Variants in GALNT9 observed in about 807,000 individuals in gnomAD.
GALNT9 encodes polypeptide N-acetylgalactosaminyltransferase 9, also known as GalNAc transferase 9.
GALNT9 carries 47 observed loss-of-function variants against 63.1 expected under a neutral mutation model. The observed-to-expected ratio is 0.75, with a 90% CI of 0.59 to 0.95. The LOEUF (loss-of-function observed/expected upper bound fraction) is 0.95. Ranked by LOEUF, GALNT9 falls within the 40% of genes least tolerant of loss-of-function variation. The pLI, the probability that GALNT9 is intolerant of heterozygous loss-of-function variation, is 0.00. For missense variants in GALNT9, 829 were observed against 874.8 expected, an observed-to-expected ratio of 0.95 and a Z score of 0.66; for synonymous variants, 396 against 365.7, an observed-to-expected ratio of 1.08 and a Z score of -0.94.
At chr12:132,324,638 G>A (rs1228598520) in intron 1 of GALNT9, among the ~76,000 whole-genome samples, 1 of 152,158 alleles carries the variant, frequency 6.6e-6, no homozygotes, top group Non-Finnish European at 1.5e-5. Context: ...CCATGGCCCC[G>A]GCTCTTGTCA....
At chr12:132,258,869 G>A (rs1879252835) in intron 4 of GALNT9, among the ~76,000 whole-genome samples, 1 of 152,216 alleles carries the variant, frequency 6.6e-6, no homozygotes, top group South Asian at 2.1e-4. Flanking sequence ...GACCCACAGG[G>A]CCAAAGCCAC....
Position 132,199,226 on chromosome 12 carries a change from G to A in GALNT9, c.1445C>T (p.Ala482Val), listed in dbSNP as rs569920280. Residue 482 changes from alanine (A) to valine (V), a missense_variant, in exon 9 of 11, where the codon GCG becomes GTG. By Grantham distance (64) the Ala-to-Val change is moderately conservative. Coordinates refer to ENST00000328957, the MANE Select transcript of GALNT9 (RefSeq NM_001122636.2). ...GAGGATCGCCCGGTCGCCGTCCTCC[G>A]CTCCCTGGTCCAGACAGTAGGCACT... ...KASAYCLDQGAEDGDRAILYP... is the reference protein window; with the variant it reads ...KASAYCLDQGVEDGDRAILYP... 1.5e-5 allele frequency: 24 copies of A among 1,604,544 alleles called. No homozygotes were observed. Among genetic ancestry groups the A allele is most frequent in the South Asian group, 8.8e-5 (8 of 91,052 alleles).
At chr12:132,287,620 C>A (rs1341520053) in intron 1 of GALNT9, among the ~76,000 whole-genome samples, 1 of 152,176 alleles carries the variant, frequency 6.6e-6, no homozygotes, top group Admixed American at 6.5e-5. Context: ...GAATCACAAC[C>A]CACCCCATGG....
intron 6 of GALNT9, among the ~76,000 whole-genome samples, chr12:132,217,193 C>CATCCATCCACTCATTCATCT (rs1877235332): frequency 6.6e-6 from 1 of 151,954 alleles, no homozygotes; most frequent in African/African-American, 2.4e-5. Context: ...CGGACTCATC[C>CATCCATCCACTCATTCATCT]ATCCATCCAT....
At chr12:132,244,665 T>G (rs1168626714) in intron 6 of GALNT9, among the ~76,000 whole-genome samples, 1 of 7,516 alleles carries the variant, frequency 1.3e-4, no homozygotes. Flanking sequence ...GGGGGCGTGG[T>G]GATGGGGCTG....
At chr12:132,306,142 G>A (rs782515829) in intron 1 of GALNT9, among the ~76,000 whole-genome samples, 3 of 152,226 alleles carry the variant, frequency 2.0e-5, no homozygotes, top group Non-Finnish European at 4.4e-5. Context: ...CAGAGCCCCC[G>A]TGGGGGGCCT....
intron 1 of GALNT9, among the ~76,000 whole-genome samples, chr12:132,320,924 T>C (rs1277432852): frequency 2.0e-5 from 3 of 152,182 alleles, no homozygotes; most frequent in African/African-American, 7.2e-5. Context: ...AGGGGTCGTG[T>C]GACCGGCCCA....
rs567254220 is a variant in GALNT9, at chr12:132,286,130, C to A, written c.419+120G>T. 8.1e-7 allele frequency: 1 copy of A among 1,228,612 alleles called. No individual in the cohort carries two copies. The highest frequency in any genetic ancestry group is 1.1e-6 in the Non-Finnish European group (1 of 922,242). The allele number at this position is 1,228,612 out of a possible 1,614,324, so 76.1% of individuals were successfully genotyped here. A position where few individuals can be genotyped will look rare whatever the true frequency, so the allele number is the denominator to read the frequency against. On this transcript the variant is annotated intron_variant, in intron 2 of 10. Coordinates refer to ENST00000328957, the MANE Select transcript of GALNT9 (RefSeq NM_001122636.2). The surrounding 1 kb of genome is among the most constrained non-coding windows in gnomAD (Gnocchi z 7.4). ...GCGTGGGGGGCGGTCACTTCCCTGG[C>A]GGGCGTGGGGGCCGCTCACTTCCCC... is the stretch of plus-strand genomic sequence containing the variant.
intron 4 of GALNT9, 128 bp downstream of exon 4, chr12:132,260,820 A>G (rs1879346243): frequency 3.9e-5 from 51 of 1,303,370 alleles, no homozygotes; most frequent in Non-Finnish European, 4.8e-5. Context: ...CAGATCCTGA[A>G]GGCTACGGCG....
At chr12:132,288,893 G>A (rs557711627) in intron 1 of GALNT9, among the ~76,000 whole-genome samples, 6 of 151,788 alleles carry the variant, frequency 4.0e-5, no homozygotes, top group East Asian at 3.9e-4. Flanking sequence ...GGTTTCGGAC[G>A]GCTGCCTGAT....
chr12:132,218,809 C>T (rs1353933408), intron 6 of GALNT9, among the ~76,000 whole-genome samples: 1 of 152,210 alleles, frequency 6.6e-6, no homozygotes, highest in Non-Finnish European at 1.5e-5. Flanking sequence ...AGCATTCCCA[C>T]CCCAGGGCCA....
chr12:132,326,189 CT>C (rs34386459), intron 1 of GALNT9, among the ~76,000 whole-genome samples: 31,590 of 152,250 alleles, frequency 0.21, 3,407 homozygotes, highest in East Asian at 0.26. Context: ...TCTTCCCCTT[CT>C]TTTCCTTGAG....
chr12:132,272,937 A>G (rs1182242337), intron 2 of GALNT9: 1 of 152,286 alleles, frequency 6.6e-6, no homozygotes, highest in Non-Finnish European at 1.5e-5. Context: ...GCTCGACGCC[A>G]TGGCCACTGT....
chr12:132,247,584 G>A lies in GALNT9; in HGVS notation c.1077+326C>T, dbSNP rs191032174. The A allele has an allele frequency of 8.3e-4, 430 of 519,032 alleles. 3 individuals are homozygous for A. The highest frequency in any genetic ancestry group is 7.3e-3 in the African/African-American group (379 of 52,242). 32.2% of individuals were successfully genotyped at this position (519,032 alleles called of 1,614,324 possible). A position where few individuals can be genotyped will look rare whatever the true frequency, so the allele number is the denominator to read the frequency against. On this transcript the variant is annotated intron_variant, in intron 6 of 10. Coordinates refer to ENST00000328957, the MANE Select transcript of GALNT9 (RefSeq NM_001122636.2). ...CTGTCCCTAGACCATGGCTGCACTCGCCCTCACCCTGTCCCCGGACACTGC... is the reference window on the plus strand; with the variant it reads ...CTGTCCCTAGACCATGGCTGCACTCACCCTCACCCTGTCCCCGGACACTGC...
At position 132,197,814 on chromosome 12, in the gene GALNT9, T is replaced by G. The variant is rs1199533585; in HGVS notation, c.1643A>C (p.Gln548Pro). The G allele has an allele frequency of 1.3e-6, 2 of 1,556,338 alleles. No homozygotes were observed. The highest frequency in any genetic ancestry group is 2.3e-5 in the South Asian group (2 of 86,962). ...KKCEDVARPT[Q>P]RLWDFTQSGP... is the part of the protein sequence containing the mutation. ...GACCTGGGTGAAGTCCCACAGCCGC[T>G]GTGTTGGCCGCGCCACATCCTCACA... The change falls in exon 10 of 11, where the codon CAG (glutamine) becomes CCG (proline). Residue 548 changes from glutamine (Q) to proline (P), a missense_variant. Physicochemically the swap from Gln to Pro is moderately conservative, Grantham distance 76. Coordinates refer to ENST00000328957, the MANE Select transcript of GALNT9 (RefSeq NM_001122636.2).
At chr12:132,272,440 C>T (rs996718486) in intron 2 of GALNT9, among the ~76,000 whole-genome samples, 16 of 152,326 alleles carry the variant, frequency 1.1e-4, no homozygotes, top group South Asian at 2.1e-4. Context: ...CCCGGCTTCC[C>T]GTGACACCCA....
At chr12:132,235,330 C>T (rs1002692562) in intron 6 of GALNT9, among the ~76,000 whole-genome samples, 1 of 152,070 alleles carries the variant, frequency 6.6e-6, no homozygotes, top group African/African-American at 2.4e-5. Context: ...AGCTGGGACC[C>T]GGAGACTGGG....
In GALNT9 at chr12:132,286,060, G is replaced by A. The variant is rs1020574246; in HGVS notation, c.419+190C>T. Among the ~76,000 whole-genome samples, 8 of 151,952 alleles carry A rather than the reference G, an allele frequency of 5.3e-5. No individual in the cohort carries two copies. Among genetic ancestry groups the A allele is most frequent in the African/African-American group, 1.7e-4 (7 of 41,388 alleles). ...CAGTCCCCGGCCAGCACGGGGGAGC[G>A]CTCACTTTCCCGGCCAGCGTGGGGG... is the stretch of plus-strand genomic sequence containing the variant. On this transcript the variant is annotated intron_variant, in intron 2 of 10. Coordinates refer to ENST00000328957, the MANE Select transcript of GALNT9 (RefSeq NM_001122636.2). This position sits in a 1 kb window ranked among gnomAD's most constrained non-coding sequence, Gnocchi z 7.4.
At chr12:132,258,628 G>A (rs1879237016) in intron 4 of GALNT9, among the ~76,000 whole-genome samples, 1 of 152,226 alleles carries the variant, frequency 6.6e-6, no homozygotes, top group Admixed American at 6.5e-5. Flanking sequence ...CCGGGCGTGT[G>A]CCTAATGGGC....
Sources: allele counts gnomAD v4.1 joint callset (sites outside exome capture counted in the v4.1 genomes callset), GRCh38; gene constraint gnomAD v4.1.1; non-coding constraint Gnocchi (gnomAD v3.1); transcripts MANE v1.5; gene names NCBI Gene and HGNC (gene_info 2026-07-23, HGNC 2026-07-21).